SLC6A7: variants seen among roughly 807,000 people sequenced by gnomAD.
SLC6A7 encodes the protein solute carrier family 6 member 7, also known as sodium-dependent proline transporter.
Under a neutral mutation model 73.1 loss-of-function variants are expected in SLC6A7, and 58 were observed. That is an observed-to-expected ratio of 0.79 (90% CI 0.64 to 0.99). SLC6A7 has a LOEUF of 0.99. Among genes scored for constraint, SLC6A7 ranks in the 50% least tolerant of loss-of-function variants. The pLI is 0.00. For synonymous variants in SLC6A7, 338 were observed against 338.7 expected, an observed-to-expected ratio of 1.00 and a Z score of 0.02; for missense variants, 783 against 831.4, an observed-to-expected ratio of 0.94 and a Z score of 0.72.
At chr5:150,195,178 G>A (rs1286030762) in intron 2 of SLC6A7, 7 of 378,086 alleles carry the variant, frequency 1.9e-5, no homozygotes, top group Non-Finnish European at 3.4e-5. Flanking sequence ...CCCACGCCCT[G>A]CACGGTGGGC....
intron 4 of SLC6A7, 130 bp from the exon 5 acceptor site, chr5:150,199,098 A>G: frequency 7.9e-7 from 1 of 1,271,898 alleles, no homozygotes; most frequent in Non-Finnish European, 1.0e-6. Context: ...TCGGAGAAGG[A>G]TGGAGAGGGA....
intron 13 of SLC6A7, among the ~76,000 whole-genome samples, chr5:150,208,427 T>C (rs1462179169): frequency 6.6e-6 from 1 of 151,100 alleles, no homozygotes; most frequent in African/African-American, 2.4e-5. Context: ...GCAGAGGGGG[T>C]GGAGAGAACT....
chr5:150,193,332 T>TC, intron 1 of SLC6A7, among the ~76,000 whole-genome samples: 1 of 152,158 alleles, frequency 6.6e-6, no homozygotes, highest in East Asian at 1.9e-4. Flanking sequence ...TGGCCTCCGC[T>TC]CCCCTCTGGG....
chr5:150,194,397 C>T (rs909149382), intron 1 of SLC6A7, among the ~76,000 whole-genome samples: 5 of 150,292 alleles, frequency 3.3e-5, no homozygotes, highest in Admixed American at 6.6e-5. Flanking sequence ...CCACTGCACT[C>T]CAGGCTGGGC....
chr5:150,205,026 A>C (rs1412511209), intron 12 of SLC6A7, 99 bp downstream of exon 12: 3 of 717,144 alleles, frequency 4.2e-6, no homozygotes, highest in Non-Finnish European at 7.2e-6. Flanking sequence ...CCTGGCCCGC[A>C]GTGGAGGGCT....
chr5:150,209,585 G>T lies in SLC6A7; in HGVS notation c.1881G>T (p.Glu627Asp). The T allele has an allele frequency of 6.2e-7, 1 of 1,611,468 alleles. No individual in the cohort carries two copies. The highest frequency in any genetic ancestry group is 1.1e-5 in the South Asian group (1 of 90,682). ...ACACGGCCATCGAGGTGGACCGTGA[G>T]ATTGCAGAGGAGGAGGAGTCGATGA... ...FENTAIEVDR[E>D]IAEEEESMM The change falls in exon 14 of 14, where the codon GAG becomes GAT. Residue 627 changes from glutamate (E) to aspartate (D), a missense_variant. Coordinates refer to ENST00000230671, the MANE Select transcript of SLC6A7 (RefSeq NM_014228.5).
In SLC6A7 at chr5:150,194,256, T is replaced by C. The variant is rs555953618; in HGVS notation, c.34-472T>C. Among the ~76,000 whole-genome samples, 9 of 151,998 alleles carry C rather than the reference T, an allele frequency of 5.9e-5. No homozygotes were observed. In the East Asian group the frequency reaches 1.4e-3, roughly 23 times the overall value. Reference sequence around the variant, plus strand: ...CATCCTGGCTAACACGGTGAAACCCTGTCTCTACTAAAAATACAAAACATT... The same window carrying C: ...CATCCTGGCTAACACGGTGAAACCCCGTCTCTACTAAAAATACAAAACATT... On this transcript the variant is annotated intron_variant, in intron 1 of 13. Coordinates refer to ENST00000230671, the MANE Select transcript of SLC6A7 (RefSeq NM_014228.5).
rs148094389 is a variant in SLC6A7, at chr5:150,197,049, C to T, written c.357C>T (p.Gly119=). Residue 119 remains glycine, a synonymous_variant, in exon 4 of 14, where the codon GGC becomes GGT. Coordinates refer to ENST00000230671, the MANE Select transcript of SLC6A7 (RefSeq NM_014228.5). ...WKISPLFKGA[G]AAMLLIVGLV... Reference sequence around the variant, plus strand: ...AGCCTCTCCCCACACCAGGCGCCGGCGCAGCCATGCTGCTCATCGTGGGCT... The same window carrying T: ...AGCCTCTCCCCACACCAGGCGCCGGTGCAGCCATGCTGCTCATCGTGGGCT... 9.8e-4 allele frequency: 1,585 copies of T among 1,613,386 alleles called. 3 individuals are homozygous for T. The highest frequency in any genetic ancestry group is 1.2e-3 in the Non-Finnish European group (1,401 of 1,179,642).
rs1443300886 is a variant in SLC6A7, at chr5:150,201,228, G to A, written c.858+5G>A. The A allele has an allele frequency of 1.2e-6, 2 of 1,601,208 alleles. No individual in the cohort carries two copies. The highest frequency in any genetic ancestry group is 1.7e-6 in the Non-Finnish European group (2 of 1,173,404). On this transcript the variant is annotated splice_donor_5th_base_variant and intron_variant, in intron 6 of 13. Transcript: ENST00000230671. Reference sequence around the variant, plus strand: ...CACCACTTGTTGTCTTCCAAGGTGAGCCCCTCAGGGCGGGGTGCAGAGGGA... The same window carrying A: ...CACCACTTGTTGTCTTCCAAGGTGAACCCCTCAGGGCGGGGTGCAGAGGGA...
In SLC6A7 at chr5:150,209,697, C is replaced by G. The variant is rs1260453989; in HGVS notation, c.*82C>G. On this transcript the variant is annotated 3_prime_UTR_variant, in exon 14 of 14. Transcript: ENST00000230671. The stretch of plus-strand genomic sequence containing the variant: ...AGCCTGCAAAGGTCAGCTGTGCCCT[C>G]TGGGATTCTGAGAGGCTATGGGGGG... 4 of 1,173,628 alleles carry G rather than the reference C, an allele frequency of 3.4e-6. No individual in the cohort carries two copies. Among genetic ancestry groups the G allele is most frequent in the African/African-American group, 3.0e-5 (2 of 65,834 alleles). 72.7% of individuals were successfully genotyped at this position (1,173,628 alleles called of 1,614,324 possible). A position where few individuals can be genotyped will look rare whatever the true frequency, so the allele number is the denominator to read the frequency against.
rs1035565434 is a variant in SLC6A7, at chr5:150,210,029, G to T, written c.*414G>T. The T allele has an allele frequency of 6.3e-5, 14 of 220,804 alleles. No homozygotes were observed. Among genetic ancestry groups the T allele is most frequent in the Non-Finnish European group, 1.0e-4 (11 of 108,496 alleles). The allele number at this position is 220,804 out of a possible 1,614,324, so 13.7% of individuals were successfully genotyped here. A position where few individuals can be genotyped will look rare whatever the true frequency, so the allele number is the denominator to read the frequency against. ...AGGGCCTACACCCCTCCCTTTTTGG[G>T]GGGAGCCTGTCCCCACACACCTTAG... On this transcript the variant is annotated 3_prime_UTR_variant, in exon 14 of 14. Coordinates refer to ENST00000230671, the MANE Select transcript of SLC6A7 (RefSeq NM_014228.5).
intron 5 of SLC6A7, among the ~76,000 whole-genome samples, chr5:150,200,825 T>C (rs1472645918): frequency 1.3e-5 from 2 of 151,358 alleles, no homozygotes; most frequent in African/African-American, 2.4e-5. Context: ...GGGCAGGGAG[T>C]GGACACGGGG....
Position 150,190,276 on chromosome 5 carries a change from C to G in SLC6A7, c.-52C>G. The G allele has an allele frequency of 2.0e-6, 3 of 1,473,330 alleles. No homozygotes were observed. Among genetic ancestry groups the G allele is most frequent in the Non-Finnish European group, 9.1e-7 (1 of 1,099,608 alleles). 91.3% of individuals were successfully genotyped at this position (1,473,330 alleles called of 1,614,324 possible). A position where few individuals can be genotyped will look rare whatever the true frequency, so the allele number is the denominator to read the frequency against. ...GTGGCCAGCGGACCATCTCTCGTGC[C>G]CTCGCTCTCTGCGCTCCGGGGCAGC... On this transcript the variant is annotated 5_prime_UTR_variant, in exon 1 of 14. Transcript: ENST00000230671.
intron 4 of SLC6A7, 150 bp downstream of exon 4, chr5:150,197,426 A>C: frequency 1.7e-6 from 1 of 583,756 alleles, no homozygotes; most frequent in Non-Finnish European, 3.0e-6. Flanking sequence ...CCAGCTCTTC[A>C]CCTGACCAGC....
intron 3 of SLC6A7, 50 bp downstream of exon 3, chr5:150,196,897 G>A: frequency 6.3e-7 from 1 of 1,586,692 alleles, no homozygotes; most frequent in Middle Eastern, 1.7e-4. Context: ...GTCTGGGGGA[G>A]GCAGGGAGGT....
intron 10 of SLC6A7, 56 bp downstream of exon 10, chr5:150,204,094 A>AT (rs1753555121): frequency 5.2e-6 from 8 of 1,547,918 alleles, no homozygotes; most frequent in Non-Finnish European, 1.8e-6. Context: ...AGACGCCTGC[A>AT]ACGAGATCTC....
At chr5:150,204,690 C>CCCTGGGGAGCCCCAGTA (rs1446704251) in intron 11 of SLC6A7, 59 bp downstream of exon 11, 52 of 1,419,466 alleles carry the variant, frequency 3.7e-5, no homozygotes, top group Non-Finnish European at 5.2e-5. Context: ...TGGGAGTCTA[C>CCCTGGGGAGCCCCAGTA]CCTGGGGAGC....
rs1319144893 is a variant in SLC6A7 at position 150,202,601 on chromosome 5, G to A, written c.985G>A (p.Gly329Ser). ...TAGAGACACTTTCATCGTCACTCTG[G>A]GCAACGCCATCACCAGCATCCTGGC... The part of the protein sequence containing the change: ...IYRDTFIVTL[G>S]NAITSILAGF... The change falls in exon 8 of 14, where the codon GGC becomes AGC. Residue 329 changes from glycine to serine, a missense_variant. Gly to Ser is a moderately conservative substitution (Grantham distance 56, BLOSUM62 0). Coordinates refer to ENST00000230671, the MANE Select transcript of SLC6A7 (RefSeq NM_014228.5). 3 of 1,614,194 alleles carry A rather than the reference G, an allele frequency of 1.9e-6. No homozygotes were observed. In the East Asian group the frequency reaches 6.7e-5, roughly 36 times the overall value.
In SLC6A7 at chr5:150,202,384, T is replaced by C. The variant is rs766286622; in HGVS notation, c.896T>C (p.Leu299Pro). Residue 299 changes from leucine to proline, a missense_variant, in exon 7 of 14, where the codon CTG (leucine) becomes CCG (proline). Transcript: ENST00000230671. ...IEAALQIFYS[L>P]GVGFGGLLTF... is the part of the protein sequence containing the mutation. The stretch of plus-strand genomic sequence containing the variant: ...GCTGCTCTTCAGATCTTCTATTCCC[T>C]GGGTGTGGGCTTCGGGGGGCTCCTC... 7 of 1,614,062 alleles carry C rather than the reference T, an allele frequency of 4.3e-6. No individual in the cohort carries two copies. The East Asian group carries it at 6.7e-5, about 15-fold the overall frequency.
Sources: gnomAD v4.1 joint callset for allele counts (sites outside exome capture counted in the v4.1 genomes callset) on GRCh38, gnomAD v4.1.1 for gene constraint, MANE v1.5 for transcripts, NCBI Gene and HGNC (gene_info 2026-07-23, HGNC 2026-07-21) for gene names.